Variants in PGM1 observed in about 807,000 individuals in gnomAD.
PGM1 encodes phosphoglucomutase 1, also known as phosphoglucomutase-1.
PGM1 carries 52 observed loss-of-function variants against 55.6 expected under a neutral mutation model. The observed-to-expected ratio is 0.94, with a 90% CI of 0.75 to 1.18. PGM1 has a LOEUF of 1.18. PGM1 is among the 50% of genes most tolerant of loss of function. The pLI is 0.00. For synonymous variants in PGM1, 287 were observed against 271.7 expected (o/e 1.06, Z -0.55); for missense variants, 724 against 729.3 (o/e 0.99, Z 0.08).
intron 1 of PGM1, chr1:63,623,435 A>T (rs1648936533): frequency 6.2e-7 from 1 of 1,605,496 alleles, no homozygotes; most frequent in African/African-American, 1.3e-5. Flanking sequence ...GGACACCCTC[A>T]CTGAGCCAGT....
intron 7 of PGM1, among the ~76,000 whole-genome samples, chr1:63,642,706 T>C (rs1393509815): frequency 6.6e-6 from 1 of 152,220 alleles, no homozygotes; most frequent in East Asian, 1.9e-4. Flanking sequence ...TGGTCAGGTC[T>C]AGAGGCTAGC....
At chr1:63,617,540 C>G (rs995374225) in intron 1 of PGM1, among the ~76,000 whole-genome samples, 3 of 151,894 alleles carry the variant, frequency 2.0e-5, no homozygotes, top group Admixed American at 6.6e-5. Flanking sequence ...AACCCTGTCT[C>G]TATTAAAATT....
intron 1 of PGM1, among the ~76,000 whole-genome samples, chr1:63,595,180 G>A (rs12060278): frequency 1.3e-5 from 2 of 152,022 alleles, no homozygotes; most frequent in African/African-American, 4.8e-5. Context: ...TTGACATTGA[G>A]TACTATTTGC....
intron 1 of PGM1, among the ~76,000 whole-genome samples, chr1:63,612,107 A>G (rs1648582858): frequency 6.6e-6 from 1 of 151,666 alleles, no homozygotes; most frequent in African/African-American, 2.4e-5. Context: ...AAATACAAAA[A>G]TTAGCCGGGC....
intron 1 of PGM1, among the ~76,000 whole-genome samples, chr1:63,615,373 T>C (rs1648680437): frequency 1.3e-5 from 2 of 152,132 alleles, no homozygotes; most frequent in Admixed American, 1.3e-4. Context: ...CTGCATTTTA[T>C]GGAAACTCTG....
chr1:63,627,110 G>A lies in PGM1; in HGVS notation c.247-2315G>A, dbSNP rs75071820. Among the ~76,000 whole-genome samples, 19 of 139,162 alleles carry A rather than the reference G, an allele frequency of 1.4e-4. 1 individual carries two copies. The East Asian group carries it at 4.0e-3, about 29-fold the overall frequency. The allele number at this position is 139,162 out of a possible 152,430, so 91.3% of individuals were successfully genotyped here. ...AAGGCTGAATAATATTCCACTGTAT[G>A]TATACACAATATTTTGTTTATCCAT... is the stretch of plus-strand genomic sequence containing the variant. On this transcript the variant is annotated intron_variant, in intron 1 of 10. Coordinates refer to ENST00000371084, the MANE Select transcript of PGM1 (RefSeq NM_002633.3).
intron 8 of PGM1, among the ~76,000 whole-genome samples, chr1:63,649,772 T>C (rs1042252415): frequency 5.9e-5 from 9 of 152,178 alleles, no homozygotes; most frequent in Non-Finnish European, 5.9e-5. Context: ...CACCACACAG[T>C]AGCCCTGGGA....
chr1:63,648,744 TA>T (rs1649725366), intron 8 of PGM1, 92 bp downstream of exon 8: 3 of 1,374,840 alleles, frequency 2.2e-6, no homozygotes, highest in Admixed American at 1.7e-5. Flanking sequence ...TCTTAAGTGC[TA>T]ATAAAACCCT....
At chr1:63,598,877 G>A (rs370528257) in intron 1 of PGM1, among the ~76,000 whole-genome samples, 3 of 152,302 alleles carry the variant, frequency 2.0e-5, no homozygotes, top group Admixed American at 6.5e-5. Context: ...GAGCAAACTA[G>A]TGGGACTTTG....
At chr1:63,653,939 T>C (rs1649887774) in intron 9 of PGM1, among the ~76,000 whole-genome samples, 1 of 152,212 alleles carries the variant, frequency 6.6e-6, no homozygotes, top group Admixed American at 6.5e-5. Flanking sequence ...TCAGCCCCTT[T>C]GGTCCATGTT....
At chr1:63,593,858 G>GCTCCTCCCT in intron 1 of PGM1, 124 bp downstream of exon 1, 1 of 1,301,048 alleles carries the variant, frequency 7.7e-7, no homozygotes, top group African/African-American at 1.6e-5. Flanking sequence ...TCCACCTCCC[G>GCTCCTCCCT]CTCCTCCCTC....
chr1:63,647,911 A>T (rs1005131786), intron 7 of PGM1, among the ~76,000 whole-genome samples: 2 of 152,146 alleles, frequency 1.3e-5, no homozygotes, highest in Non-Finnish European at 2.9e-5. Context: ...AATTCCACCT[A>T]ATTATCTCAC....
At chr1:63,640,752 T>C (rs1296934675) in intron 7 of PGM1, among the ~76,000 whole-genome samples, 1 of 152,174 alleles carries the variant, frequency 6.6e-6, no homozygotes, top group African/African-American at 2.4e-5. Context: ...TCTCAGGTCC[T>C]TCCTTCTTCA....
intron 7 of PGM1, among the ~76,000 whole-genome samples, chr1:63,647,256 TTACA>T (rs1649671149): frequency 1.9e-5 from 1 of 51,558 alleles, no homozygotes; most frequent in African/African-American, 3.6e-5. Context: ...AAATAAAATT[TTACA>T]TATATATATA....
In PGM1 at chr1:63,656,571, GGTGTGTGTGTGT is replaced by G. The variant is rs10629750; in HGVS notation, c.1599+2130_1599+2141del. On this transcript the variant is annotated intron_variant, in intron 10 of 10. Transcript: ENST00000371084. ...ATCTACAGATGAATGAAGACATTGT[GGTGTGTGTGTGT>G]GTGTGTGTGTGTGTGTGTGTGTGTA... Among the ~76,000 whole-genome samples, 12 of 144,340 alleles carry G rather than the reference GGTGTGTGTGTGT, an allele frequency of 8.3e-5. No homozygotes were observed. In the East Asian group the frequency reaches 1.0e-3, roughly 12 times the overall value. 94.7% of individuals were successfully genotyped at this position (144,340 alleles called of 152,430 possible). A position where few individuals can be genotyped will look rare whatever the true frequency, so the allele number is the denominator to read the frequency against.
chr1:63,633,918 G>GTGTA lies in PGM1; in HGVS notation c.683-910_683-909insGTAT, dbSNP rs1407304546. 2.2e-3 allele frequency among the ~76,000 whole-genome samples: 58 copies of GTGTA among 26,746 alleles called. 2 individuals are homozygous for GTGTA. The highest frequency in any genetic ancestry group is 4.2e-3 in the Admixed American group (6 of 1,432). 17.5% of individuals were successfully genotyped at this position (26,746 alleles called of 152,430 possible). Reference sequence around the variant, plus strand: ...TGTGTGTGTGTGTGTGTGTGTGTGTGTATATATATATATATTTTTTTTTTT... The same window carrying GTGTA: ...TGTGTGTGTGTGTGTGTGTGTGTGTGTGTATATATATATATATATTTTTTTTTTT... On this transcript the variant is annotated intron_variant, in intron 4 of 10. Transcript: ENST00000371084.
chr1:63,652,910 C>T (rs1354402988), intron 9 of PGM1, among the ~76,000 whole-genome samples: 2 of 152,032 alleles, frequency 1.3e-5, no homozygotes, highest in African/African-American at 4.8e-5. Flanking sequence ...GTAAATTATG[C>T]CTGAGATAAT....
At chr1:63,638,841 C>A in intron 7 of PGM1, 41 bp downstream of exon 7, 3 of 1,345,858 alleles carry the variant, frequency 2.2e-6, no homozygotes, top group Non-Finnish European at 3.2e-6. Flanking sequence ...TCCCTGTAAC[C>A]ACTATTTCCA....
At chr1:63,638,626 C>T in intron 6 of PGM1, 59 bp from the exon 7 acceptor site, 1 of 1,132,694 alleles carries the variant, frequency 8.8e-7, no homozygotes, top group Non-Finnish European at 1.4e-6. Flanking sequence ...TTTTCCGTCC[C>T]TCACATGGCC....
Sources: allele counts gnomAD v4.1 joint callset (sites outside exome capture counted in the v4.1 genomes callset), GRCh38; gene constraint gnomAD v4.1.1; transcripts MANE v1.5; gene names NCBI Gene and HGNC (gene_info 2026-07-23, HGNC 2026-07-21).